VPS13B: variants seen among roughly 807,000 people sequenced by gnomAD.
VPS13B encodes the protein vacuolar protein sorting 13 homolog B.
Under a neutral mutation model 426.4 loss-of-function variants are expected in VPS13B, and 285 were observed. The ratio of observed to expected loss-of-function variants is 0.67; its 90% CI spans 0.61 to 0.74. The LOEUF is 0.74. Ranked by LOEUF, VPS13B falls within the 30% of genes least tolerant of loss-of-function variation. The pLI, the probability that VPS13B is intolerant of heterozygous loss-of-function variation, is 0.00. For missense variants in VPS13B, 4,537 were observed against 4,782.6 expected (o/e 0.95, Z 1.51); for synonymous variants, 1,676 against 1,676.4 (o/e 1.00, Z 0.01).
At chr8:99,848,405 C>T (rs1816091804) in intron 54 of VPS13B, among the ~76,000 whole-genome samples, 1 of 152,152 alleles carries the variant, frequency 6.6e-6, no homozygotes, top group Non-Finnish European at 1.5e-5. Context: ...CATTGCACTT[C>T]AAGTCCCAAG....
chr8:99,701,710 T>C (rs1832289415), intron 36 of VPS13B, among the ~76,000 whole-genome samples: 1 of 152,178 alleles, frequency 6.6e-6, no homozygotes, highest in Non-Finnish European at 1.5e-5. Flanking sequence ...TGTTTTAAAA[T>C]AATTATTTGC....
Position 99,771,756 on chromosome 8 carries a change from G to A in VPS13B, c.7247+4786G>A, listed in dbSNP as rs574847125. 2.6e-5 allele frequency among the ~76,000 whole-genome samples: 4 copies of A among 152,202 alleles called. No homozygotes were observed. The East Asian group carries it at 7.7e-4, about 29-fold the overall frequency. ...TTGTTTCTCTCCATTTGGCTACTTGGGTCTGCCCTTTTAGATGTATCTAGA... is the reference window on the plus strand; with the variant it reads ...TTGTTTCTCTCCATTTGGCTACTTGAGTCTGCCCTTTTAGATGTATCTAGA... On this transcript the variant is annotated intron_variant, in intron 40 of 61. Transcript: ENST00000357162.
intron 54 of VPS13B, among the ~76,000 whole-genome samples, chr8:99,842,804 T>C (rs1563503422): frequency 1.3e-5 from 2 of 152,188 alleles, no homozygotes; most frequent in South Asian, 4.1e-4. Flanking sequence ...GTAGAAGATA[T>C]TGTACTAAGT....
At chr8:99,447,823 A>T (rs17324397) in intron 23 of VPS13B, among the ~76,000 whole-genome samples, 10,342 of 151,940 alleles carry the variant, frequency 0.068, 473 homozygotes, top group South Asian at 0.12. Flanking sequence ...GTTGCTGTAA[A>T]TAGAATTCCT....
At chr8:99,847,922 C>T (rs1056278960) in intron 54 of VPS13B, among the ~76,000 whole-genome samples, 5 of 152,142 alleles carry the variant, frequency 3.3e-5, no homozygotes, top group African/African-American at 9.7e-5. Flanking sequence ...TTATTTGCTG[C>T]CCTAATAATA....
chr8:99,813,608 G>T (rs991385817), intron 44 of VPS13B, among the ~76,000 whole-genome samples: 1 of 152,194 alleles, frequency 6.6e-6, no homozygotes, highest in Non-Finnish European at 1.5e-5. Context: ...TTTATGGTTT[G>T]TTATTGTGAA....
intron 43 of VPS13B, 58 bp downstream of exon 43, chr8:99,784,534 T>G (rs1184654521): frequency 6.2e-7 from 1 of 1,601,392 alleles, no homozygotes. Flanking sequence ...TCATTTCTTC[T>G]GCACTTGTGT....
Position 99,501,861 on chromosome 8 carries a change from A to T in VPS13B, c.4042+3A>T. On this transcript the variant is annotated splice_donor_region_variant and intron_variant, in intron 26 of 61. Coordinates refer to ENST00000357162, the MANE Select transcript of VPS13B (RefSeq NM_152564.5). ...AGATCCTGAAAATAAAGGCACAGGT[A>T]CAGGATTCCTTTTCTTTCTTCCCTC... is the stretch of plus-strand genomic sequence containing the variant. The T allele has an allele frequency of 6.2e-7, 1 of 1,613,156 alleles. No homozygotes were observed. Among genetic ancestry groups the T allele is most frequent in the Non-Finnish European group, 8.5e-7 (1 of 1,179,768 alleles).
chr8:99,035,749 T>A (rs1168011950), intron 2 of VPS13B, among the ~76,000 whole-genome samples: 2 of 152,224 alleles, frequency 1.3e-5, no homozygotes, highest in Admixed American at 6.5e-5. Flanking sequence ...ACCTCCATAT[T>A]ATGTTCTGTA....
chr8:99,202,274 G>A (rs1182351709), intron 17 of VPS13B, among the ~76,000 whole-genome samples: 10 of 152,210 alleles, frequency 6.6e-5, no homozygotes, highest in Non-Finnish European at 1.5e-4. Flanking sequence ...AGGTCTGGTT[G>A]TTTGAACTTA....
intron 35 of VPS13B, among the ~76,000 whole-genome samples, chr8:99,685,482 T>C (rs1419942240): frequency 1.3e-5 from 2 of 152,190 alleles, no homozygotes; most frequent in East Asian, 3.9e-4. Context: ...CTTGTGGCTT[T>C]AATATTGAGG....
chr8:99,270,219 A>C (rs1464093422), intron 17 of VPS13B, among the ~76,000 whole-genome samples: 2 of 123,418 alleles, frequency 1.6e-5, no homozygotes, highest in East Asian at 5.3e-4. Context: ...GCTCACTGCA[A>C]CCTCTGCCTC....
intron 16 of VPS13B, among the ~76,000 whole-genome samples, chr8:99,178,710 C>G (rs1812776030): frequency 6.6e-6 from 1 of 152,028 alleles, no homozygotes; most frequent in Non-Finnish European, 1.5e-5. Context: ...CAACCTCTAT[C>G]TCCTGGGTTC....
intron 34 of VPS13B, among the ~76,000 whole-genome samples, chr8:99,646,901 G>A (rs2133939617): frequency 6.6e-6 from 1 of 152,162 alleles, no homozygotes; most frequent in East Asian, 1.9e-4. Context: ...CTCACTAGAA[G>A]CCAAGCAGAT....
chr8:99,717,163 T>C lies in VPS13B; in HGVS notation c.6455-8T>C. On this transcript the variant is annotated splice_polypyrimidine_tract_variant and splice_region_variant and intron_variant, in intron 36 of 61. Transcript: ENST00000357162. ...TGAATTATATACTCTTCTGTATTTTTTTTTCAGGCATAATTCTTGGGTCAT... is the reference window on the plus strand; with the variant it reads ...TGAATTATATACTCTTCTGTATTTTCTTTTCAGGCATAATTCTTGGGTCAT... 1 of 1,608,942 alleles carries C rather than the reference T, an allele frequency of 6.2e-7. No individual in the cohort carries two copies. Among genetic ancestry groups the C allele is most frequent in the Non-Finnish European group, 8.5e-7 (1 of 1,175,452 alleles).
intron 31 of VPS13B, among the ~76,000 whole-genome samples, chr8:99,574,285 C>A (rs1256365377): frequency 4.6e-5 from 7 of 152,148 alleles, no homozygotes; most frequent in Non-Finnish European, 1.0e-4. Context: ...AATTGAATAT[C>A]CTTTATTTCT....
At chr8:99,720,048 C>T (rs952460760) in intron 37 of VPS13B, among the ~76,000 whole-genome samples, 2 of 151,910 alleles carry the variant, frequency 1.3e-5, no homozygotes, top group Admixed American at 1.3e-4. Flanking sequence ...TGTTCTTTTC[C>T]CTCTTAGCTA....
chr8:99,536,817 G>A (rs1823264255), intron 30 of VPS13B: 1 of 517,680 alleles, frequency 1.9e-6, no homozygotes, highest in Non-Finnish European at 4.0e-6. Flanking sequence ...GTGTTTCCAG[G>A]TGATTTTAAG....
chr8:99,563,741 G>C (rs1336442584), intron 31 of VPS13B, among the ~76,000 whole-genome samples: 1 of 152,106 alleles, frequency 6.6e-6, no homozygotes, highest in Admixed American at 6.6e-5. Context: ...GCACATAACA[G>C]ATACCAAATA....
Sources: allele counts gnomAD v4.1 joint callset (sites outside exome capture counted in the v4.1 genomes callset), GRCh38; gene constraint gnomAD v4.1.1; transcripts MANE v1.5; gene names NCBI Gene and HGNC (gene_info 2026-07-23, HGNC 2026-07-21).